Variants in MOV10 observed in about 807,000 individuals in gnomAD.
The protein encoded by MOV10 is RNA helicase MOV-10.
MOV10 carries 39 observed loss-of-function variants against 108.4 expected under a neutral mutation model. The observed-to-expected ratio is 0.36, with a 90% CI of 0.28 to 0.47. MOV10 has a LOEUF of 0.47. Among genes scored for constraint, MOV10 ranks in the 20% least tolerant of loss-of-function variants. The probability of loss-of-function intolerance (pLI) is 1.00; values close to 1 mark genes in which losing one functional copy is unlikely to be tolerated. For synonymous variants in MOV10, 490 were observed against 523.1 expected, an observed-to-expected ratio of 0.94 and a Z score of 0.86; for missense variants, 952 against 1,297.6, an observed-to-expected ratio of 0.73 and a Z score of 4.09.
intron 2 of MOV10, among the ~76,000 whole-genome samples, chr1:112,683,617 G>T (rs1236822325): frequency 6.6e-6 from 1 of 152,160 alleles, no homozygotes; most frequent in Non-Finnish European, 1.5e-5. Context: ...AGGATTACAG[G>T]CATGATCCGC....
chr1:112,677,693 A>G (rs1672303390), intron 2 of MOV10, among the ~76,000 whole-genome samples: 2 of 152,102 alleles, frequency 1.3e-5, no homozygotes, highest in South Asian at 4.1e-4. Flanking sequence ...CTTTGTATGT[A>G]GTAGATGCTC....
At chr1:112,678,282 G>A (rs1009939265) in intron 2 of MOV10, among the ~76,000 whole-genome samples, 6 of 152,082 alleles carry the variant, frequency 3.9e-5, no homozygotes, top group African/African-American at 1.5e-4. Flanking sequence ...ATTGTATGGG[G>A]TAAGGACTGA....
chr1:112,700,146 C>T, intron 19 of MOV10, 73 bp from the exon 20 acceptor site: 1 of 1,607,758 alleles, frequency 6.2e-7, no homozygotes, highest in Non-Finnish European at 8.5e-7. Context: ...AGAGGTTGAG[C>T]AAGTACAGCT....
intron 6 of MOV10, among the ~76,000 whole-genome samples, 176 bp from the exon 7 acceptor site, chr1:112,692,585 G>T (rs1570790543): frequency 6.6e-6 from 1 of 152,272 alleles, no homozygotes; most frequent in Admixed American, 6.5e-5. Context: ...AGGAGCCAAG[G>T]CTTCCTTCTT....
At chr1:112,688,502 C>T in intron 2 of MOV10, 1 of 1,074,516 alleles carries the variant, frequency 9.3e-7, no homozygotes, top group Non-Finnish European at 1.1e-6. Context: ...GGCTGGACCC[C>T]ACATCCACCC....
At chr1:112,679,972 G>A (rs1237554235) in intron 2 of MOV10, among the ~76,000 whole-genome samples, 2 of 152,084 alleles carry the variant, frequency 1.3e-5, no homozygotes, top group African/African-American at 4.8e-5. Flanking sequence ...TATCCCATTA[G>A]ACTTGCCTAC....
chr1:112,676,679 G>A (rs182689075), intron 2 of MOV10, among the ~76,000 whole-genome samples: 3 of 152,298 alleles, frequency 2.0e-5, no homozygotes. Flanking sequence ...GTTAAAGGCA[G>A]ACCAAGGACT....
rs1673334066 is a variant in MOV10 at position 112,689,157 on chromosome 1, TTG to T, written c.341+25_341+26del. ...ATGACAGGTGTGTGTGTGTTGTATG[TTG>T]TGTGTACGGGGAGGTCTGCAGGGTG... On this transcript the variant is annotated intron_variant, in intron 3 of 20. Coordinates refer to ENST00000369645, the MANE Select transcript of MOV10 (RefSeq NM_001321324.2). The T allele has an allele frequency of 6.3e-7, 1 of 1,575,382 alleles. No individual in the cohort carries two copies. Among genetic ancestry groups the T allele is most frequent in the Admixed American group, 1.9e-5 (1 of 53,108 alleles).
rs574489172 is a variant in MOV10, at chr1:112,694,746, C to T, written c.1473-3C>T. 2 of 1,613,802 alleles carry T rather than the reference C, an allele frequency of 1.2e-6. No homozygotes were observed. Among genetic ancestry groups the T allele is most frequent in the African/African-American group, 1.3e-5 (1 of 75,032 alleles). ...AAGTTCACATTCCTGGTCCCTCTGCCAGGCTGTACGACCGGAGTCTGGAGT... is the reference window on the plus strand; with the variant it reads ...AAGTTCACATTCCTGGTCCCTCTGCTAGGCTGTACGACCGGAGTCTGGAGT... On this transcript the variant is annotated splice_polypyrimidine_tract_variant and splice_region_variant and intron_variant, in intron 9 of 20. Coordinates refer to ENST00000369645, the MANE Select transcript of MOV10 (RefSeq NM_001321324.2). This position sits in a 1 kb window ranked among gnomAD's most constrained non-coding sequence, Gnocchi z 4.1.
chr1:112,696,586 GT>G lies in MOV10; in HGVS notation c.1982-42del, dbSNP rs753853864. On this transcript the variant is annotated intron_variant, in intron 13 of 20. Coordinates refer to ENST00000369645, the MANE Select transcript of MOV10 (RefSeq NM_001321324.2). ...TATACACCCTGTGTGGGTCAGAGAGGTTGCACCACTTACCTTTCTTCCCACA... is the reference window on the plus strand; with the variant it reads ...TATACACCCTGTGTGGGTCAGAGAGGTGCACCACTTACCTTTCTTCCCACA... The G allele has an allele frequency of 1.9e-6, 3 of 1,611,738 alleles. No individual in the cohort carries two copies. The East Asian group carries it at 6.7e-5, about 36-fold the overall frequency.
At position 112,689,577 on chromosome 1, in the gene MOV10, C is replaced by A. The variant is rs766070894; in HGVS notation, c.504C>A (p.Leu168=). The A allele has an allele frequency of 1.3e-5, 21 of 1,614,128 alleles. No individual in the cohort carries two copies. The highest frequency in any genetic ancestry group is 1.8e-5 in the Non-Finnish European group (21 of 1,180,052). Reference sequence around the variant, plus strand: ...CCCAGTCTGTTACCCTCACTCACCTCTTCCCACTCTGCCGGACACCCCAGT... The same window carrying A: ...CCCAGTCTGTTACCCTCACTCACCTATTCCCACTCTGCCGGACACCCCAGT... ...GGTQSVTLTH[L]FPLCRTPQFA... The change falls in exon 4 of 21, where the codon CTC becomes CTA. Residue 168 remains leucine, a synonymous_variant. Coordinates refer to ENST00000369645, the MANE Select transcript of MOV10 (RefSeq NM_001321324.2).
intron 19 of MOV10, 32 bp from the exon 20 acceptor site, chr1:112,700,187 A>G (rs748108129): frequency 1.2e-6 from 2 of 1,613,762 alleles, no homozygotes; most frequent in Admixed American, 1.7e-5. Flanking sequence ...CTTAGCCTCC[A>G]GTCTCTGCTG....
Position 112,699,969 on chromosome 1 carries a change from C to T in MOV10, c.2785C>T (p.Pro929Ser), listed in dbSNP as rs761658937. The change falls in exon 19 of 21, where the codon CCT becomes TCT. Residue 929 changes from proline to serine, a missense_variant. Coordinates refer to ENST00000369645, the MANE Select transcript of MOV10 (RefSeq NM_001321324.2). ...VGNPLLLGHD[P>S]DWKVFLEFCK... ...GAACCCCCTTCTCCTGGGCCATGAC[C>T]CTGACTGGAAAGTGTGAGCATTCCC... 2 of 1,614,214 alleles carry T rather than the reference C, an allele frequency of 1.2e-6. No individual in the cohort carries two copies. Among genetic ancestry groups the T allele is most frequent in the South Asian group, 2.2e-5 (2 of 91,080 alleles).
At position 112,689,995 on chromosome 1, in the gene MOV10, C is replaced by A. The variant is rs369968810; in HGVS notation, c.733C>A (p.Pro245Thr). 3 of 1,614,172 alleles carry A rather than the reference C, an allele frequency of 1.9e-6. No homozygotes were observed. Among genetic ancestry groups the A allele is most frequent in the South Asian group, 2.2e-5 (2 of 91,088 alleles). The change falls in exon 5 of 21, where the codon CCC becomes ACC. Residue 245 changes from proline (P) to threonine (T), a missense_variant. Physicochemically the swap from Pro to Thr is conservative, Grantham distance 38. Transcript: ENST00000369645. ...CTTCTTGGCTGCCGTCGCCCACAGCCCCCTGGCTGCACAGCTGAAGCCCAT... is the reference window on the plus strand; with the variant it reads ...CTTCTTGGCTGCCGTCGCCCACAGCACCCTGGCTGCACAGCTGAAGCCCAT... The part of the protein sequence containing the change: ...ARFLAAVAHS[P>T]LAAQLKPMTP...
At chr1:112,686,381 A>G (rs1673083208) in intron 2 of MOV10, among the ~76,000 whole-genome samples, 1 of 152,144 alleles carries the variant, frequency 6.6e-6, no homozygotes. Flanking sequence ...CAGTCCCTGT[A>G]TTACTGGACC....
intron 2 of MOV10, among the ~76,000 whole-genome samples, chr1:112,676,806 G>T (rs1672232355): frequency 6.6e-6 from 1 of 152,120 alleles, no homozygotes; most frequent in African/African-American, 2.4e-5. Flanking sequence ...AACTAGGTGG[G>T]CCTAAGACTG....
chr1:112,693,271 T>G (rs899410235), intron 7 of MOV10, among the ~76,000 whole-genome samples: 1 of 152,172 alleles, frequency 6.6e-6, no homozygotes, highest in African/African-American at 2.4e-5. Flanking sequence ...AGCCCAAAAT[T>G]ACACACGAGA....
rs1376041217 is a variant in MOV10, at chr1:112,698,856, T to G, written c.2583+67T>G. 2.2e-6 allele frequency: 3 copies of G among 1,340,896 alleles called. No individual in the cohort carries two copies. In the African/African-American group the frequency reaches 4.3e-5, roughly 19 times the overall value. The allele number at this position is 1,340,896 out of a possible 1,614,324, so 83.1% of individuals were successfully genotyped here. A position where few individuals can be genotyped will look rare whatever the true frequency, so the allele number is the denominator to read the frequency against. ...CCCCACTTGCCCACTTCCAGAGACT[T>G]CCTCAAGCTTCCACTCCAGCCCACG... On this transcript the variant is annotated intron_variant, in intron 17 of 20. Coordinates refer to ENST00000369645, the MANE Select transcript of MOV10 (RefSeq NM_001321324.2).
chr1:112,694,764 T>A lies in MOV10; in HGVS notation c.1488T>A (p.Ser496Arg). 1 of 1,613,778 alleles carries A rather than the reference T, an allele frequency of 6.2e-7. No individual in the cohort carries two copies. Among genetic ancestry groups the A allele is most frequent in the South Asian group, 1.1e-5 (1 of 91,080 alleles). Residue 496 changes from serine (S) to arginine (R), a missense_variant, in exon 10 of 21, where the codon AGT becomes AGA. This residue lies in a region of MOV10 where 453 missense variants were observed against 611.5 expected (regional missense o/e 0.74). Transcript: ENST00000369645. The surrounding 1 kb of genome is among the most constrained non-coding windows in gnomAD (Gnocchi z 4.1). The stretch of plus-strand genomic sequence containing the variant: ...CCTCTGCCAGGCTGTACGACCGGAG[T>A]CTGGAGTCAAACCCAGAGCAGCTGC... ...SDVKLKLYDR[S>R]LESNPEQLQA...
Sources: allele counts gnomAD v4.1 joint callset (sites outside exome capture counted in the v4.1 genomes callset), GRCh38; gene constraint gnomAD v4.1.1; regional missense constraint gnomAD v4.1.1; non-coding constraint Gnocchi (gnomAD v3.1); transcripts MANE v1.5; gene names NCBI Gene and HGNC (gene_info 2026-07-23, HGNC 2026-07-21).